Variants in PPP2R3A observed in about 807,000 individuals in gnomAD.
PPP2R3A encodes the protein serine/threonine-protein phosphatase 2A regulatory subunit B'' subunit alpha.
In PPP2R3A, 80 loss-of-function variants were observed where a neutral mutation model predicts 106.9. The ratio of observed to expected loss-of-function variants is 0.75; its 90% CI spans 0.62 to 0.90. The LOEUF (loss-of-function observed/expected upper bound fraction) is 0.90. Ranked by LOEUF, PPP2R3A falls within the 40% of genes least tolerant of loss-of-function variation. The pLI, the probability that PPP2R3A is intolerant of heterozygous loss-of-function variation, is 0.00. For synonymous variants in PPP2R3A, 483 were observed against 468.3 expected (o/e 1.03, Z -0.41); for missense variants, 1,386 against 1,350.4 (o/e 1.03, Z -0.41).
chr3:136,078,916 C>G (rs1022369035), intron 7 of PPP2R3A, among the ~76,000 whole-genome samples: 3 of 152,144 alleles, frequency 2.0e-5, no homozygotes, highest in African/African-American at 7.2e-5. Flanking sequence ...ACATTTCATT[C>G]AATTATTTTA....
chr3:136,117,069 T>C (rs967266196), intron 13 of PPP2R3A, among the ~76,000 whole-genome samples: 4 of 152,136 alleles, frequency 2.6e-5, no homozygotes, highest in Admixed American at 2.6e-4. Flanking sequence ...AAATTAGAAC[T>C]CGGGATTAAG....
chr3:135,997,300 G>C (rs1933440611), intron 1 of PPP2R3A, among the ~76,000 whole-genome samples: 1 of 152,136 alleles, frequency 6.6e-6, no homozygotes. Context: ...GGACCTCTTA[G>C]TAACATCCAG....
At chr3:136,018,565 C>G (rs1934356054) in intron 2 of PPP2R3A, among the ~76,000 whole-genome samples, 3 of 152,192 alleles carry the variant, frequency 2.0e-5, no homozygotes, top group Admixed American at 6.5e-5. Flanking sequence ...CTAAGCCTAA[C>G]AGAATGAATT....
At chr3:136,054,900 T>A (rs974480829) in intron 5 of PPP2R3A, among the ~76,000 whole-genome samples, 7 of 152,214 alleles carry the variant, frequency 4.6e-5, no homozygotes, top group Non-Finnish European at 8.8e-5. Context: ...ACTCACTATA[T>A]AATTCGGTTG....
At chr3:136,137,650 T>C (rs1442191245) in intron 13 of PPP2R3A, among the ~76,000 whole-genome samples, 1 of 149,354 alleles carries the variant, frequency 6.7e-6, no homozygotes, top group African/African-American at 2.5e-5. Context: ...CAGGCCATTC[T>C]CCTGGCTCAG....
chr3:136,096,337 A>T (rs1255476313), intron 10 of PPP2R3A, among the ~76,000 whole-genome samples: 4 of 152,184 alleles, frequency 2.6e-5, no homozygotes, highest in Admixed American at 6.6e-5. Context: ...TGAATTTCCT[A>T]AAAAAAGTAA....
chr3:136,108,319 C>A (rs1000519977), intron 13 of PPP2R3A, among the ~76,000 whole-genome samples: 3 of 152,232 alleles, frequency 2.0e-5, no homozygotes, highest in Non-Finnish European at 2.9e-5. Flanking sequence ...GTACCCAGTA[C>A]AGTTCCATTA....
At chr3:136,065,846 T>G (rs1319046968) in intron 5 of PPP2R3A, among the ~76,000 whole-genome samples, 1 of 152,102 alleles carries the variant, frequency 6.6e-6, no homozygotes, top group African/African-American at 2.4e-5. Context: ...CAGCTAATTT[T>G]TACATTTTTT....
At chr3:136,061,988 A>C (rs1936094227) in intron 5 of PPP2R3A, among the ~76,000 whole-genome samples, 5 of 151,914 alleles carry the variant, frequency 3.3e-5, no homozygotes, top group Admixed American at 3.3e-4. Flanking sequence ...AGACACATGC[A>C]TAAACATGTC....
intron 4 of PPP2R3A, among the ~76,000 whole-genome samples, chr3:136,047,135 G>A (rs1302060642): frequency 1.3e-5 from 2 of 152,166 alleles, no homozygotes. Flanking sequence ...GAGAGAGAAG[G>A]AGCGAGAGTA....
intron 13 of PPP2R3A, among the ~76,000 whole-genome samples, chr3:136,139,149 T>C (rs533586996): frequency 6.6e-6 from 1 of 152,226 alleles, no homozygotes; most frequent in African/African-American, 2.4e-5. Context: ...AAAACATAAC[T>C]CCCAGACAAC....
intron 13 of PPP2R3A, among the ~76,000 whole-genome samples, chr3:136,124,235 A>T (rs1442894742): frequency 1.3e-5 from 2 of 152,194 alleles, no homozygotes; most frequent in Non-Finnish European, 2.9e-5. Context: ...CATGCCAGTA[A>T]TCTGAGCACT....
chr3:136,102,285 A>G, intron 11 of PPP2R3A, 103 bp downstream of exon 11: 1 of 1,272,384 alleles, frequency 7.9e-7, no homozygotes. Flanking sequence ...GAGTCTTGAT[A>G]GAAGACTTCC....
intron 13 of PPP2R3A, among the ~76,000 whole-genome samples, chr3:136,108,566 TAAAAG>T (rs919562528): frequency 1.3e-5 from 2 of 151,920 alleles, no homozygotes; most frequent in Admixed American, 6.6e-5. Context: ...TTTTTTGAAA[TAAAAG>T]AAAACCTGAA....
At chr3:135,966,057 C>A (rs1937072412) in intron 1 of PPP2R3A, among the ~76,000 whole-genome samples, 1 of 151,828 alleles carries the variant, frequency 6.6e-6, no homozygotes, top group East Asian at 2.0e-4. Context: ...CGGTGCGGTG[C>A]GTTGCCTCGG....
At chr3:136,026,230 G>A (rs975235218) in intron 2 of PPP2R3A, among the ~76,000 whole-genome samples, 2 of 152,092 alleles carry the variant, frequency 1.3e-5, no homozygotes, top group Admixed American at 6.6e-5. Context: ...AGAAAATGGC[G>A]TGGCCCTAGT....
intron 2 of PPP2R3A, among the ~76,000 whole-genome samples, chr3:136,013,483 A>C (rs1294514879): frequency 6.6e-6 from 1 of 152,048 alleles, no homozygotes; most frequent in Admixed American, 6.6e-5. Flanking sequence ...CAGTGTAAAA[A>C]TGTTCCCTTA....
intron 5 of PPP2R3A, among the ~76,000 whole-genome samples, chr3:136,069,652 A>G (rs528515034): frequency 4.5e-4 from 69 of 152,298 alleles, no homozygotes; most frequent in Non-Finnish European, 7.2e-4. Flanking sequence ...TTGGTTTGAG[A>G]CTATGTATTG....
In PPP2R3A at chr3:136,002,670, T is replaced by G; in HGVS notation, c.1172T>G (p.Val391Gly). ...AATGATCCTAGAACTCTAAAAGCTG[T>G]CCAGGTCCAATCACAGTCATTAACC... The part of the protein sequence containing the change: ...EVNDPRTLKA[V>G]QVQSQSLTMN... Residue 391 changes from valine (V) to glycine (G), a missense_variant, in exon 2 of 14, where the codon GTC (valine) becomes GGC (glycine). Physicochemically the swap from Val to Gly is moderately radical, Grantham distance 109. Coordinates refer to ENST00000264977, the MANE Select transcript of PPP2R3A (RefSeq NM_002718.5). 1 of 1,613,492 alleles carries G rather than the reference T, an allele frequency of 6.2e-7. No homozygotes were observed. Among genetic ancestry groups the G allele is most frequent in the Non-Finnish European group, 8.5e-7 (1 of 1,179,444 alleles).
Sources: gnomAD v4.1 joint callset for allele counts (sites outside exome capture counted in the v4.1 genomes callset) on GRCh38, gnomAD v4.1.1 for gene constraint, MANE v1.5 for transcripts, NCBI Gene and HGNC (gene_info 2026-07-23, HGNC 2026-07-21) for gene names.